Variants in ACSL4 observed in about 807,000 individuals in gnomAD.
The protein encoded by ACSL4 is acyl-CoA synthetase long chain family member 4, also known as long-chain-fatty-acid--CoA ligase 4.
ACSL4 carries 9 observed loss-of-function variants against 49.1 expected under a neutral mutation model. That is an observed-to-expected ratio of 0.18 (90% confidence interval 0.11 to 0.32). The LOEUF (loss-of-function observed/expected upper bound fraction) is 0.32. Ranked by LOEUF, ACSL4 falls within the 10% of genes least tolerant of loss-of-function variation. The pLI is 1.00. For missense variants in ACSL4, 333 were observed against 493.7 expected (o/e 0.67, Z 3.08); for synonymous variants, 191 against 170.3 (o/e 1.12, Z -0.95).
rs181693909 is a variant in ACSL4 at position 109,695,257 on chromosome X, A to G, written c.-13+887T>C. ...CTATTCAGGAGGCTAAGGCAGGAGA[A>G]TTGCTTAAACCCGGGAGGCAGAGGT... On this transcript the variant is annotated intron_variant, in intron 2 of 15. Coordinates refer to ENST00000672401, the MANE Select transcript of ACSL4 (RefSeq NM_001318510.2). Among the ~76,000 whole-genome samples the G allele has an allele frequency of 3.9e-3, 429 of 109,389 alleles. 2 individuals are homozygous for G. The highest frequency in any genetic ancestry group is 5.8e-3 in the Non-Finnish European group (306 of 52,477). The allele number at this position is 109,389 out of a possible 115,157, so 95.0% of individuals were successfully genotyped here.
chrX:109,645,676 G>A (rs868079190), intron 15 of ACSL4, among the ~76,000 whole-genome samples: 22 of 112,570 alleles, frequency 2.0e-4, no homozygotes, highest in African/African-American at 6.5e-4. Flanking sequence ...GACGGAGAAT[G>A]ACTCTGGCGA....
At chrX:109,650,554 G>C (rs1378861855) in intron 15 of ACSL4, among the ~76,000 whole-genome samples, 5 of 107,690 alleles carry the variant, frequency 4.6e-5, no homozygotes, top group Non-Finnish European at 7.7e-5. Flanking sequence ...GGGAGGGATA[G>C]CATTGGGAGA....
intron 13 of ACSL4, among the ~76,000 whole-genome samples, chrX:109,661,998 A>C (rs1015736256): frequency 1.8e-5 from 2 of 111,150 alleles, no homozygotes; most frequent in Non-Finnish European, 3.8e-5. Flanking sequence ...CTGAATGGTA[A>C]CTCTGCCTGG....
chrX:109,681,430 A>G, intron 4 of ACSL4, 55 bp from the exon 5 acceptor site: 3 of 836,847 alleles, frequency 3.6e-6, no homozygotes, highest in Non-Finnish European at 5.3e-6. Flanking sequence ...TTAGAAATGG[A>G]TATTATTGAA....
intron 1 of ACSL4, among the ~76,000 whole-genome samples, chrX:109,703,222 T>C (rs1474934632): frequency 8.9e-6 from 1 of 112,253 alleles, no homozygotes; most frequent in Non-Finnish European, 1.9e-5. Context: ...CTATATCATG[T>C]AAGCCCTAGT....
intron 1 of ACSL4, among the ~76,000 whole-genome samples, chrX:109,721,721 G>C (rs1317295345): frequency 9.4e-6 from 1 of 106,459 alleles, no homozygotes; most frequent in African/African-American, 3.4e-5. Context: ...GACAGAGTAA[G>C]ACTCCGTCAA....
At chrX:109,732,956 G>A (rs1928587591) in intron 1 of ACSL4, 183 bp downstream of exon 1, 5 of 321,099 alleles carry the variant, frequency 1.6e-5, no homozygotes, top group Non-Finnish European at 3.0e-5. Flanking sequence ...CGGCCCCAGC[G>A]GAGGCGAGCG....
intron 6 of ACSL4, 42 bp from the exon 7 acceptor site, chrX:109,678,457 A>T (rs764627252): frequency 4.3e-6 from 5 of 1,175,960 alleles, no homozygotes; most frequent in Non-Finnish European, 5.8e-6. Flanking sequence ...CTTCAGTTCA[A>T]AAGTTAAATT....
intron 1 of ACSL4, among the ~76,000 whole-genome samples, chrX:109,699,944 G>A (rs1244529630): frequency 1.8e-5 from 2 of 110,836 alleles, no homozygotes; most frequent in African/African-American, 3.3e-5. Context: ...TGAGCCAGAC[G>A]CAGTGGCTCA....
chrX:109,722,586 T>C (rs1399787121), intron 1 of ACSL4, among the ~76,000 whole-genome samples: 1 of 111,878 alleles, frequency 8.9e-6, no homozygotes, highest in Non-Finnish European at 1.9e-5. Context: ...CATTGATAAC[T>C]ACACTGTAAA....
chrX:109,724,029 T>A (rs1358104278), intron 1 of ACSL4, among the ~76,000 whole-genome samples: 2 of 112,260 alleles, frequency 1.8e-5, no homozygotes, highest in African/African-American at 6.5e-5. Context: ...TTGTAGTGGG[T>A]ACCTTTCTCT....
chrX:109,668,942 A>C (rs1028301353), intron 10 of ACSL4, 92 bp downstream of exon 10: 18 of 782,585 alleles, frequency 2.3e-5, no homozygotes, highest in Non-Finnish European at 3.2e-5. Context: ...TATTCAAATG[A>C]ATTAACTTGC....
intron 4 of ACSL4, among the ~76,000 whole-genome samples, chrX:109,682,276 TA>T (rs890383887): frequency 1.8e-5 from 2 of 111,653 alleles, no homozygotes; most frequent in African/African-American, 6.5e-5. Context: ...CTAACATATC[TA>T]ATGCCAATTC....
chrX:109,680,892 C>T, intron 6 of ACSL4, 106 bp downstream of exon 6: 13 of 825,199 alleles, frequency 1.6e-5, no homozygotes, highest in East Asian at 3.4e-5. Context: ...TTTTTTTTTT[C>T]AGTCAAAGAA....
At chrX:109,650,747 T>C (rs1199005864) in intron 15 of ACSL4, among the ~76,000 whole-genome samples, 2 of 112,168 alleles carry the variant, frequency 1.8e-5, no homozygotes, top group Non-Finnish European at 3.8e-5. Flanking sequence ...CTATGCTTTG[T>C]TCAAAGTAGT....
At chrX:109,700,827 G>T (rs1415815246) in intron 1 of ACSL4, among the ~76,000 whole-genome samples, 1 of 110,078 alleles carries the variant, frequency 9.1e-6, no homozygotes, top group African/African-American at 3.3e-5. Flanking sequence ...GGCGGATCAT[G>T]AGGTCAGGAG....
intron 11 of ACSL4, among the ~76,000 whole-genome samples, chrX:109,666,354 G>A: frequency 8.9e-6 from 1 of 111,894 alleles, no homozygotes; most frequent in Non-Finnish European, 1.9e-5. Flanking sequence ...AATACATAGA[G>A]GTGAGACCAA....
Position 109,682,902 on chromosome X carries a change from A to C in ACSL4, c.229-6T>G, listed in dbSNP as rs757474186. On this transcript the variant is annotated splice_polypyrimidine_tract_variant and splice_region_variant and intron_variant, in intron 3 of 15. Transcript: ENST00000672401. ...TTATAATTCCCAAGAATTAACTGTT[A>C]AAGTGATACATTCTCTAATATTAGT... 4 of 1,195,289 alleles carry C rather than the reference A, an allele frequency of 3.3e-6. No homozygotes were observed. The East Asian group carries it at 8.9e-5, about 27-fold the overall frequency.
chrX:109,644,210 G>C (rs1934537583), intron 15 of ACSL4, 24 bp from the exon 16 acceptor site: 2 of 1,183,145 alleles, frequency 1.7e-6, no homozygotes, highest in African/African-American at 1.8e-5. Context: ...TGAAAGATGG[G>C]AGAAAAGGAG....
Sources: gnomAD v4.1 joint callset for allele counts (sites outside exome capture counted in the v4.1 genomes callset) on GRCh38, gnomAD v4.1.1 for gene constraint, MANE v1.5 for transcripts, NCBI Gene and HGNC (gene_info 2026-07-23, HGNC 2026-07-21) for gene names.